PCDH11X: variants seen among roughly 807,000 people sequenced by gnomAD.
PCDH11X encodes protocadherin 11 X-linked, also known as protocadherin-11 X-linked.
In PCDH11X, 18 loss-of-function variants were observed where a neutral mutation model predicts 53.3. That is an observed-to-expected ratio of 0.34 (90% CI 0.23 to 0.50). PCDH11X has a LOEUF of 0.50. Among genes scored for constraint, PCDH11X ranks in the 20% least tolerant of loss-of-function variants. The pLI is 0.98. For missense variants in PCDH11X, 570 were observed against 1,032.4 expected, an observed-to-expected ratio of 0.55 and a Z score of 6.14; for synonymous variants, 279 against 393.3, an observed-to-expected ratio of 0.71 and a Z score of 3.44.
At chrX:91,786,991 TCTC>T (rs1287899076) in intron 1 of PCDH11X, among the ~76,000 whole-genome samples, 2 of 110,613 alleles carry the variant, frequency 1.8e-5, no homozygotes, top group Admixed American at 9.7e-5. Flanking sequence ...AGCATTATAT[TCTC>T]CTATTTAGTG....
chrX:92,135,729 C>T (rs1387522838), intron 6 of PCDH11X, among the ~76,000 whole-genome samples: 2 of 103,830 alleles, frequency 1.9e-5, no homozygotes, highest in Non-Finnish European at 3.9e-5. Flanking sequence ...GTCCTGTGAT[C>T]ATTATGTACA....
intron 8 of PCDH11X, among the ~76,000 whole-genome samples, chrX:92,370,701 G>A (rs903338149): frequency 2.9e-4 from 32 of 110,410 alleles, no homozygotes; most frequent in African/African-American, 9.2e-4. Context: ...CTCGTGATCC[G>A]CCCGCCTCAG....
intron 10 of PCDH11X, among the ~76,000 whole-genome samples, chrX:92,501,810 C>T (rs1027354317): frequency 9.0e-6 from 1 of 111,202 alleles, no homozygotes; most frequent in Non-Finnish European, 1.9e-5. Context: ...AAAACTGGCA[C>T]AAGGCAAGGA....
intron 6 of PCDH11X, among the ~76,000 whole-genome samples, chrX:92,026,997 C>T (rs1271511181): frequency 9.8e-6 from 1 of 102,432 alleles, no homozygotes; most frequent in African/African-American, 3.6e-5. Context: ...TTATTCTACA[C>T]AATCATAAGG....
At chrX:91,972,551 A>C (rs1431427936) in intron 6 of PCDH11X, among the ~76,000 whole-genome samples, 3 of 109,735 alleles carry the variant, frequency 2.7e-5, no homozygotes, top group Non-Finnish European at 5.7e-5. Context: ...GGTAATGCCT[A>C]GGTTTTCTTC....
chrX:92,183,911 T>A (rs908827834), intron 6 of PCDH11X, among the ~76,000 whole-genome samples: 2 of 111,566 alleles, frequency 1.8e-5, no homozygotes, highest in African/African-American at 6.5e-5. Flanking sequence ...AACCCCACTC[T>A]CCAGAAATTT....
chrX:92,293,983 T>A lies in PCDH11X; in HGVS notation c.3144+30840T>A, dbSNP rs199512367. On this transcript the variant is annotated intron_variant, in intron 8 of 10. Coordinates refer to ENST00000682573, the MANE Select transcript of PCDH11X (RefSeq NM_032968.5). Reference sequence around the variant, plus strand: ...GTGTATAGATATATTGGTTCATTAGTTGTGGCACAATGTATTATAATAATG... The same window carrying A: ...GTGTATAGATATATTGGTTCATTAGATGTGGCACAATGTATTATAATAATG... 3.1e-4 allele frequency among the ~76,000 whole-genome samples: 34 copies of A among 110,865 alleles called. No individual in the cohort carries two copies. The East Asian group carries it at 8.0e-3, about 26-fold the overall frequency.
rs191435741 is a variant in PCDH11X at position 92,189,934 on chromosome X, T to C, written c.3034-11441T>C. Among the ~76,000 whole-genome samples the C allele has an allele frequency of 2.1e-4, 23 of 112,143 alleles. No homozygotes were observed. In the East Asian group the frequency reaches 5.3e-3, roughly 26 times the overall value. On this transcript the variant is annotated intron_variant, in intron 6 of 10. Coordinates refer to ENST00000682573, the MANE Select transcript of PCDH11X (RefSeq NM_032968.5). Reference sequence around the variant, plus strand: ...GTTGTTTGTTTTTGTCTTACATATTTGCTTAAGTTCCTTATAGACTCTGGA... The same window carrying C: ...GTTGTTTGTTTTTGTCTTACATATTCGCTTAAGTTCCTTATAGACTCTGGA...
chrX:92,049,823 G>A (rs1016221900), intron 6 of PCDH11X, among the ~76,000 whole-genome samples: 1 of 111,410 alleles, frequency 9.0e-6, no homozygotes, highest in Non-Finnish European at 1.9e-5. Context: ...GTCCAGTCTG[G>A]AATGCAGTGG....
At chrX:92,232,836 A>T (rs778084452) in intron 7 of PCDH11X, among the ~76,000 whole-genome samples, 1 of 111,498 alleles carries the variant, frequency 9.0e-6, no homozygotes, top group Non-Finnish European at 1.9e-5. Context: ...CCGCCTCAGC[A>T]TCGCGAGTAG....
At chrX:92,391,386 A>G (rs1191333172) in intron 9 of PCDH11X, among the ~76,000 whole-genome samples, 15 of 108,583 alleles carry the variant, frequency 1.4e-4, no homozygotes, top group Admixed American at 3.0e-4. Flanking sequence ...TTGTGAGTCT[A>G]CTTTTGAGGA....
intron 4 of PCDH11X, among the ~76,000 whole-genome samples, chrX:91,820,744 G>C (rs1263125239): frequency 9.8e-6 from 1 of 102,185 alleles, no homozygotes; most frequent in Admixed American, 9.8e-5. Flanking sequence ...TGAAGTCCTT[G>C]CCCATGCCTA....
chrX:92,429,744 T>C (rs1344626537), intron 9 of PCDH11X, among the ~76,000 whole-genome samples: 12 of 102,211 alleles, frequency 1.2e-4, no homozygotes, highest in Non-Finnish European at 2.2e-4. Flanking sequence ...TGCATAGCCT[T>C]GTTGAGAATT....
intron 5 of PCDH11X, among the ~76,000 whole-genome samples, chrX:91,837,935 C>A (rs924238621): frequency 1.8e-5 from 2 of 111,543 alleles, no homozygotes; most frequent in African/African-American, 6.5e-5. Context: ...TGGTTAGTGG[C>A]TATCATACTG....
chrX:91,855,704 A>G (rs1192805195), intron 5 of PCDH11X, among the ~76,000 whole-genome samples: 6 of 110,375 alleles, frequency 5.4e-5, no homozygotes, highest in Middle Eastern at 4.7e-3. Flanking sequence ...TTCGTGATTG[A>G]GATTTTTTAC....
Position 92,148,065 on chromosome X carries a change from T to TCC in PCDH11X, c.3034-53309_3034-53308insCC, listed in dbSNP as rs1569389080. ...CCCTTCCTTCCTTCCTTCCTTTCTT[T>TCC]CTTTCTTTCTTTCTTTCTTTCTTTC... On this transcript the variant is annotated intron_variant, in intron 6 of 10. Coordinates refer to ENST00000682573, the MANE Select transcript of PCDH11X (RefSeq NM_032968.5). Among the ~76,000 whole-genome samples the TCC allele has an allele frequency of 1.8e-3, 13 of 7,070 alleles. 1 individual carries two copies. Among genetic ancestry groups the TCC allele is most frequent in the South Asian group, 0.011 (1 of 89 alleles). The allele number at this position is 7,070 out of a possible 115,157, so 6.1% of individuals were successfully genotyped here.
intron 5 of PCDH11X, among the ~76,000 whole-genome samples, chrX:91,867,291 C>T (rs1223681775): frequency 9.0e-6 from 1 of 111,521 alleles, no homozygotes; most frequent in East Asian, 2.8e-4. Flanking sequence ...TTAAATCACT[C>T]CTAGCTTCGT....
chrX:91,879,760 C>T (rs1939806091), intron 6 of PCDH11X: 1 of 758,316 alleles, frequency 1.3e-6, no homozygotes, highest in Non-Finnish European at 1.5e-6. Context: ...TCCCCCCATA[C>T]TCTACCAGGC....
intron 6 of PCDH11X, among the ~76,000 whole-genome samples, chrX:92,160,641 C>CTTTTT (rs529782445): frequency 3.4e-5 from 3 of 87,873 alleles, no homozygotes; most frequent in Non-Finnish European, 4.4e-5. Flanking sequence ...ATTTTTTTTT[C>CTTTTT]TTTTTTTTTT....
Sources: gnomAD v4.1 joint callset for allele counts (sites outside exome capture counted in the v4.1 genomes callset) on GRCh38, gnomAD v4.1.1 for gene constraint, MANE v1.5 for transcripts, NCBI Gene and HGNC (gene_info 2026-07-23, HGNC 2026-07-21) for gene names.